The following MAGI1 variants were observed in gnomAD, a reference collection of about 807,000 sequenced individuals.
MAGI1 encodes the protein membrane associated guanylate kinase, WW and PDZ domain containing 1, also known as membrane-associated guanylate kinase, WW and PDZ domain-containing protein 1.
In MAGI1, 58 loss-of-function variants were observed where a neutral mutation model predicts 139.9. That is an observed-to-expected ratio of 0.41 (90% CI 0.34 to 0.52). The LOEUF (loss-of-function observed/expected upper bound fraction) is 0.52, where lower values mean the gene tolerates loss of function less well. Among genes scored for constraint, MAGI1 ranks in the 20% least tolerant of loss-of-function variants. The pLI is 0.12. For synonymous variants in MAGI1, 812 were observed against 737.9 expected, an observed-to-expected ratio of 1.10 and a Z score of -1.63; for missense variants, 1,874 against 1,901.6, an observed-to-expected ratio of 0.99 and a Z score of 0.27.
At chr3:65,451,438 G>A (rs1452964619) in intron 6 of MAGI1, among the ~76,000 whole-genome samples, 1 of 152,156 alleles carries the variant, frequency 6.6e-6, no homozygotes, top group Admixed American at 6.5e-5. Context: ...GGTTATTTAT[G>A]TTCAGGTTGA....
chr3:65,794,642 C>A (rs2040002971), intron 1 of MAGI1, among the ~76,000 whole-genome samples: 1 of 151,916 alleles, frequency 6.6e-6, no homozygotes. Context: ...GCCTAGGGGA[C>A]CTGCCTCACA....
chr3:65,422,652 G>C (rs542358047), intron 12 of MAGI1, among the ~76,000 whole-genome samples: 4 of 152,118 alleles, frequency 2.6e-5, no homozygotes, highest in Non-Finnish European at 5.9e-5. Context: ...TTATCTGAGG[G>C]GGATCACAGG....
At chr3:65,976,741 A>C (rs556638131) in intron 1 of MAGI1, among the ~76,000 whole-genome samples, 3 of 152,352 alleles carry the variant, frequency 2.0e-5, no homozygotes, top group Middle Eastern at 3.4e-3. Flanking sequence ...AACCAAACTC[A>C]ATTACATACA....
intron 1 of MAGI1, among the ~76,000 whole-genome samples, chr3:65,981,443 C>T (rs532561632): frequency 1.3e-5 from 2 of 152,268 alleles, no homozygotes; most frequent in African/African-American, 4.8e-5. Flanking sequence ...TTTCTCAAAT[C>T]CTGCCTGACA....
intron 1 of MAGI1, among the ~76,000 whole-genome samples, chr3:66,022,777 T>G (rs191546556): frequency 7.9e-5 from 12 of 152,356 alleles, no homozygotes; most frequent in Admixed American, 3.9e-4. Context: ...TATAGCAATA[T>G]GCATTTATCA....
chr3:65,374,378 C>T (rs1350640674), intron 18 of MAGI1, among the ~76,000 whole-genome samples: 3 of 126,132 alleles, frequency 2.4e-5, no homozygotes, highest in South Asian at 2.5e-4. Context: ...AGTGCAGTGG[C>T]GCAATCTCGG....
At chr3:65,684,511 G>T (rs2087851474) in intron 1 of MAGI1, among the ~76,000 whole-genome samples, 1 of 152,166 alleles carries the variant, frequency 6.6e-6, no homozygotes, top group East Asian at 1.9e-4. Context: ...GGAATTTGAA[G>T]GGAGCCAGGG....
chr3:65,604,196 A>G (rs1356083501), intron 2 of MAGI1, among the ~76,000 whole-genome samples: 1 of 152,154 alleles, frequency 6.6e-6, no homozygotes, highest in Non-Finnish European at 1.5e-5. Context: ...CAAATGCAAA[A>G]AAAAAAAGTA....
At chr3:65,738,693 A>G (rs1247374809) in intron 1 of MAGI1, among the ~76,000 whole-genome samples, 1 of 152,212 alleles carries the variant, frequency 6.6e-6, no homozygotes, top group East Asian at 1.9e-4. Context: ...ATTCATCTCC[A>G]TGTACATCTC....
At chr3:65,512,839 C>T (rs1438637779) in intron 2 of MAGI1, among the ~76,000 whole-genome samples, 1 of 151,538 alleles carries the variant, frequency 6.6e-6, no homozygotes, top group Admixed American at 6.6e-5. Context: ...CAAAGCCAGG[C>T]AGAGACACAG....
At chr3:65,663,412 G>T (rs2086315742) in intron 1 of MAGI1, among the ~76,000 whole-genome samples, 1 of 152,108 alleles carries the variant, frequency 6.6e-6, no homozygotes, top group Non-Finnish European at 1.5e-5. Context: ...CACACTTTGG[G>T]CACTGCTTAT....
chr3:65,620,232 T>C (rs2083593070), intron 2 of MAGI1, among the ~76,000 whole-genome samples: 1 of 152,168 alleles, frequency 6.6e-6, no homozygotes, highest in Non-Finnish European at 1.5e-5. Flanking sequence ...CAATTACTGA[T>C]TTCTGCAAAA....
At chr3:65,400,340 A>C (rs1944757208) in intron 13 of MAGI1, among the ~76,000 whole-genome samples, 1 of 152,108 alleles carries the variant, frequency 6.6e-6, no homozygotes, top group African/African-American at 2.4e-5. Flanking sequence ...AAATGCAGGA[A>C]GCTCCCTCTC....
rs1456233982 is a variant in MAGI1 at position 65,505,598 on chromosome 3, G to A, written c.431-11967C>T. On this transcript the variant is annotated intron_variant, in intron 2 of 22. Transcript: ENST00000402939. ...AGAGGTTGAGACAGCAGTGAGCCAT[G>A]ATCGTGCCACTGCACTCCAGCCTGG... Among the ~76,000 whole-genome samples the A allele has an allele frequency of 2.0e-5, 3 of 151,146 alleles. No individual in the cohort carries two copies. In the East Asian group the frequency reaches 5.8e-4, roughly 29 times the overall value.
At chr3:65,394,748 C>T (rs967641776) in intron 13 of MAGI1, among the ~76,000 whole-genome samples, 1 of 151,904 alleles carries the variant, frequency 6.6e-6, no homozygotes, top group African/African-American at 2.4e-5. Context: ...GGTTAGAGCC[C>T]AGAACTGTCC....
At chr3:65,493,057 G>A (rs1388223010) in intron 3 of MAGI1, among the ~76,000 whole-genome samples, 3 of 132,022 alleles carry the variant, frequency 2.3e-5, no homozygotes, top group East Asian at 2.3e-4. Context: ...CAGCCTGGGC[G>A]ACAGAGCGAG....
At chr3:65,984,512 A>ATGTATGTGTGTGTGTGTGTG (rs1273114460) in intron 1 of MAGI1, among the ~76,000 whole-genome samples, 1 of 140,394 alleles carries the variant, frequency 7.1e-6, no homozygotes, top group African/African-American at 2.7e-5. Context: ...TCAAAATAAA[A>ATGTATGTGTGTGTGTGTGTG]TGTGTGTGTG....
chr3:65,890,161 G>A lies in MAGI1; in HGVS notation c.313+147835C>T, dbSNP rs1245175980. ...GGACGGATCACGAGGTCAGGAGATC[G>A]AGACCATCCTGGCTAACACAGTGAA... is the stretch of plus-strand genomic sequence containing the variant. On this transcript the variant is annotated intron_variant, in intron 1 of 22. Transcript: ENST00000402939. Among the ~76,000 whole-genome samples the A allele has an allele frequency of 7.2e-5, 11 of 152,072 alleles. No individual in the cohort carries two copies. In the South Asian group the frequency reaches 1.9e-3, roughly 26 times the overall value.
rs765899118 is a variant in MAGI1 at position 65,379,298 on chromosome 3, C to T, written c.2958G>A (p.Val986=). ...CTGCTTCGGGCCTGCTCACCGAGGA[C>T]ACGATGACGAAGCCGAAGCCCTCGT... is the stretch of plus-strand genomic sequence containing the variant. The part of the protein sequence containing the change: ...GENEGFGFVI[V]SSVSRPEAGT... Residue 986 remains valine (V), a synonymous_variant, in exon 17 of 23, where the codon GTG becomes GTA. Coordinates refer to ENST00000402939, the MANE Select transcript of MAGI1 (RefSeq NM_001033057.2). 6 of 1,613,308 alleles carry T rather than the reference C, an allele frequency of 3.7e-6. No homozygotes were observed. The Admixed American group carries it at 8.3e-5, about 22-fold the overall frequency.
Sources: allele counts gnomAD v4.1 joint callset (sites outside exome capture counted in the v4.1 genomes callset), GRCh38; gene constraint gnomAD v4.1.1; transcripts MANE v1.5; gene names NCBI Gene and HGNC (gene_info 2026-07-23, HGNC 2026-07-21).